The following ANO4 variants were observed in gnomAD, a reference collection of about 807,000 sequenced individuals.
The protein encoded by ANO4 is anoctamin 4.
In ANO4, 69 loss-of-function variants were observed where a neutral mutation model predicts 141.9. The observed-to-expected ratio is 0.49, with a 90% CI of 0.40 to 0.59. The LOEUF (loss-of-function observed/expected upper bound fraction) is 0.59. ANO4 is among the 20% of genes least tolerant of loss of function. The probability of loss-of-function intolerance (pLI) is 0.00; values close to 1 mark genes in which losing one functional copy is unlikely to be tolerated. For missense variants in ANO4, 894 were observed against 1,162.2 expected (o/e 0.77, Z 3.36); for synonymous variants, 350 against 394.3 (o/e 0.89, Z 1.33).
In ANO4 at chr12:101,030,676, G is replaced by A. The variant is rs1285405363; in HGVS notation, c.842-6419G>A. ...AGACACAAAAACCCTCCAAAACCAG[G>A]AACTGTTTTTTTGAAAAAAATAAGA... On this transcript the variant is annotated intron_variant, in intron 9 of 27. Transcript: ENST00000392977. Among the ~76,000 whole-genome samples, 4 of 151,226 alleles carry A rather than the reference G, an allele frequency of 2.6e-5. No homozygotes were observed. The South Asian group carries it at 8.4e-4, about 32-fold the overall frequency.
In ANO4 at chr12:101,099,637, A is replaced by C; in HGVS notation, c.2066A>C (p.Lys689Thr). ...KVRQEHGPER[K>T]ISFPQWEKDY... ...CGACAAGAACATGGACCTGAAAGGA[A>C]AATAAGTTTCCCACAATGGGAAAAG... is the stretch of plus-strand genomic sequence containing the variant. Residue 689 changes from lysine (K) to threonine (T), a missense_variant, in exon 22 of 28, where the codon AAA (lysine) becomes ACA (threonine). Around this residue, in one of 2 missense-constraint regions of ANO4, gnomAD observed 637 missense variants for 909.2 expected, o/e 0.70. Transcript: ENST00000392977. 2 of 1,612,540 alleles carry C rather than the reference A, an allele frequency of 1.2e-6. No homozygotes were observed. The highest frequency in any genetic ancestry group is 1.1e-5 in the South Asian group (1 of 90,670).
intron 1 of ANO4, among the ~76,000 whole-genome samples, chr12:100,881,359 A>G (rs1475301220): frequency 6.6e-6 from 1 of 151,902 alleles, no homozygotes; most frequent in Non-Finnish European, 1.5e-5. Flanking sequence ...CCTTTATATT[A>G]TAATACAAAT....
intron 1 of ANO4, among the ~76,000 whole-genome samples, chr12:100,854,122 A>G (rs1203594887): frequency 6.6e-6 from 1 of 152,134 alleles, no homozygotes; most frequent in Non-Finnish European, 1.5e-5. Context: ...ATTTTGCTTC[A>G]TTCATGAATA....
At chr12:100,862,025 C>T (rs1488496446) in intron 1 of ANO4, among the ~76,000 whole-genome samples, 1 of 152,126 alleles carries the variant, frequency 6.6e-6, no homozygotes, top group Non-Finnish European at 1.5e-5. Context: ...TTCTGGAATA[C>T]TTCTTGAAGG....
intron 1 of ANO4, among the ~76,000 whole-genome samples, chr12:100,717,822 G>A (rs2030677347): frequency 6.6e-6 from 1 of 152,212 alleles, no homozygotes; most frequent in African/African-American, 2.4e-5. Flanking sequence ...CCTCGCTTCC[G>A]ACCACTCAGG....
At chr12:100,737,350 C>T (rs2031661634) in intron 2 of ANO4, among the ~76,000 whole-genome samples, 1 of 152,212 alleles carries the variant, frequency 6.6e-6, no homozygotes, top group African/African-American at 2.4e-5. Context: ...TTTTGGTGCC[C>T]TCCTCAGGCC....
At chr12:100,823,400 G>A (rs955621584) in intron 1 of ANO4, among the ~76,000 whole-genome samples, 9 of 151,942 alleles carry the variant, frequency 5.9e-5, no homozygotes, top group African/African-American at 2.2e-4. Flanking sequence ...ACTTACAGGT[G>A]GAAGGCCACC....
intron 1 of ANO4, among the ~76,000 whole-genome samples, chr12:100,815,421 C>A (rs2035678448): frequency 6.6e-6 from 1 of 152,106 alleles, no homozygotes; most frequent in Non-Finnish European, 1.5e-5. Flanking sequence ...TATGAATATT[C>A]TGTATAGACA....
At chr12:100,948,609 A>G (rs1372105980) in intron 5 of ANO4, among the ~76,000 whole-genome samples, 1 of 152,220 alleles carries the variant, frequency 6.6e-6, no homozygotes, top group Admixed American at 6.5e-5. Flanking sequence ...TATTTAAAAA[A>G]GGGAGTTATT....
intron 10 of ANO4, 81 bp from the exon 11 acceptor site, chr12:101,039,874 G>A: frequency 1.3e-6 from 2 of 1,485,824 alleles, no homozygotes; most frequent in Non-Finnish European, 1.8e-6. Flanking sequence ...AACACCTGCT[G>A]TAAGACACTT....
chr12:101,037,272 G>A, intron 10 of ANO4, 122 bp downstream of exon 10: 1 of 944,654 alleles, frequency 1.1e-6, no homozygotes, highest in South Asian at 1.6e-5. Context: ...TTTGTTCAAT[G>A]GGTAATTAGG....
rs1457093696 is a variant in ANO4 at position 100,985,769 on chromosome 12, G to T, written c.603-1770G>T. 2.0e-5 allele frequency among the ~76,000 whole-genome samples: 3 copies of T among 152,176 alleles called. No homozygotes were observed. The East Asian group carries it at 5.8e-4, about 29-fold the overall frequency. ...CAAGCAGAGTTGGGATCATGGTGAG[G>T]CTGGAACAATGCTGAGAATAAAGGA... On this transcript the variant is annotated intron_variant, in intron 7 of 27. Transcript: ENST00000392977.
intron 14 of ANO4, among the ~76,000 whole-genome samples, chr12:101,064,620 C>A (rs1232475957): frequency 6.6e-6 from 1 of 151,232 alleles, no homozygotes; most frequent in Non-Finnish European, 1.5e-5. Flanking sequence ...ACCTGTGTAA[C>A]AAACCTGCAC....
chr12:100,974,638 A>G, intron 6 of ANO4: 1 of 616,868 alleles, frequency 1.6e-6, no homozygotes. Flanking sequence ...AAGAAATATC[A>G]ATGGAAACTG....
intron 3 of ANO4, among the ~76,000 whole-genome samples, chr12:100,780,232 C>T (rs1448151217): frequency 6.6e-6 from 1 of 151,980 alleles, no homozygotes; most frequent in Non-Finnish European, 1.5e-5. Context: ...AGGAAAACCC[C>T]CAAATTGAGG....
chr12:100,920,779 C>T (rs900785240), intron 2 of ANO4, among the ~76,000 whole-genome samples: 4 of 152,140 alleles, frequency 2.6e-5, no homozygotes, highest in Non-Finnish European at 4.4e-5. Flanking sequence ...TCGTTATTCA[C>T]ATTGTTCAAT....
intron 5 of ANO4, among the ~76,000 whole-genome samples, chr12:100,965,561 G>T (rs1434261342): frequency 2.0e-5 from 3 of 151,934 alleles, no homozygotes; most frequent in South Asian, 4.1e-4. Context: ...GGCCTGGCAT[G>T]ATCATTCCCA....
intron 1 of ANO4, among the ~76,000 whole-genome samples, chr12:100,852,765 CAAAATA>C (rs1366569685): frequency 1.3e-5 from 2 of 152,016 alleles, no homozygotes; most frequent in African/African-American, 4.8e-5. Context: ...AGATGAGTCT[CAAAATA>C]AAAATATACA....
At chr12:101,100,880 GTT>G (rs2050161833) in intron 22 of ANO4, among the ~76,000 whole-genome samples, 1 of 152,178 alleles carries the variant, frequency 6.6e-6, no homozygotes, top group Non-Finnish European at 1.5e-5. Context: ...AGACCAATGA[GTT>G]TTTGCAAATT....
Sources: allele counts gnomAD v4.1 joint callset (sites outside exome capture counted in the v4.1 genomes callset), GRCh38; gene constraint gnomAD v4.1.1; regional missense constraint gnomAD v4.1.1; transcripts MANE v1.5; gene names NCBI Gene and HGNC (gene_info 2026-07-23, HGNC 2026-07-21).